Variants in ALDH3A2 observed in about 807,000 individuals in gnomAD.
The protein encoded by ALDH3A2 is aldehyde dehydrogenase 3 family member A2.
Under a neutral mutation model 51.3 loss-of-function variants are expected in ALDH3A2, and 36 were observed. The ratio of observed to expected loss-of-function variants is 0.70; its 90% CI spans 0.54 to 0.93. The LOEUF (loss-of-function observed/expected upper bound fraction) is 0.93, where lower values mean the gene tolerates loss of function less well. Ranked by LOEUF, ALDH3A2 falls within the 40% of genes least tolerant of loss-of-function variation. ALDH3A2 has a pLI of 0.00. For synonymous variants in ALDH3A2, 199 were observed against 219.8 expected (o/e 0.91, Z 0.84); for missense variants, 552 against 603.1 (o/e 0.92, Z 0.89).
At chr17:19,658,903 C>T (rs2084932262) in intron 5 of ALDH3A2, among the ~76,000 whole-genome samples, 1 of 151,976 alleles carries the variant, frequency 6.6e-6, no homozygotes. Context: ...AAGGAAGGAT[C>T]AAAAACACCA....
intron 1 of ALDH3A2, among the ~76,000 whole-genome samples, chr17:19,650,485 G>A (rs1271492913): frequency 6.6e-6 from 1 of 151,324 alleles, no homozygotes. Context: ...GCGGAGTCTC[G>A]CTCTTTCTCC....
Position 19,658,870 on chromosome 17 carries a change from G to A in ALDH3A2, c.798+1008G>A, listed in dbSNP as rs559525444. ...TTATTGGAGCAGTCACTGTTTACTC[G>A]ACAGATGTTAATTGAGCACTAAAAG... On this transcript the variant is annotated intron_variant, in intron 5 of 9. Coordinates refer to ENST00000176643, the MANE Select transcript of ALDH3A2 (RefSeq NM_000382.3). 1.1e-4 allele frequency among the ~76,000 whole-genome samples: 16 copies of A among 152,108 alleles called. No homozygotes were observed. In the South Asian group the frequency reaches 2.9e-3, roughly 28 times the overall value.
chr17:19,666,157 T>A (rs1597567608), intron 8 of ALDH3A2, among the ~76,000 whole-genome samples: 1 of 151,256 alleles, frequency 6.6e-6, no homozygotes. Flanking sequence ...GGGAAGGGGG[T>A]ATTTTTGGGA....
At chr17:19,656,139 C>G (rs1360000777) in intron 3 of ALDH3A2, 3 of 555,842 alleles carry the variant, frequency 5.4e-6, no homozygotes, top group Non-Finnish European at 9.7e-6. Context: ...TAAAAAAACA[C>G]TGGAGTCTCC....
At chr17:19,649,158 G>A in intron 1 of ALDH3A2, 34 bp downstream of exon 1, 1 of 1,542,468 alleles carries the variant, frequency 6.5e-7, no homozygotes, top group Non-Finnish European at 8.8e-7. Context: ...TGGGGAAACT[G>A]GCCCCCGCCG....
intron 5 of ALDH3A2, among the ~76,000 whole-genome samples, chr17:19,658,477 C>A (rs777062946): frequency 6.6e-6 from 1 of 151,732 alleles, no homozygotes; most frequent in Non-Finnish European, 1.5e-5. Flanking sequence ...GTAATCCCAG[C>A]ACTTTGGGGG....
At position 19,648,754 on chromosome 17, in the gene ALDH3A2, C is replaced by T. The variant is rs1322856966; in HGVS notation, c.-218C>T. ...GGTGAGGCTTTGGGTCGAGCTCAGT[C>T]CTCCCCCGGCGCCTCCGACTGGCAG... is the stretch of plus-strand genomic sequence containing the variant. On this transcript the variant is annotated 5_prime_UTR_variant, in exon 1 of 10. Coordinates refer to ENST00000176643, the MANE Select transcript of ALDH3A2 (RefSeq NM_000382.3). The T allele has an allele frequency of 3.1e-6, 2 of 634,952 alleles. No individual in the cohort carries two copies. Among genetic ancestry groups the T allele is most frequent in the East Asian group, 5.6e-5 (2 of 35,834 alleles). The allele number at this position is 634,952 out of a possible 1,614,324, so 39.3% of individuals were successfully genotyped here. A position where few individuals can be genotyped will look rare whatever the true frequency, so the allele number is the denominator to read the frequency against.
At chr17:19,660,912 C>CTG (rs1339907469) in intron 5 of ALDH3A2, among the ~76,000 whole-genome samples, 2 of 152,090 alleles carry the variant, frequency 1.3e-5, no homozygotes, top group African/African-American at 4.8e-5. Flanking sequence ...TGACAGATCT[C>CTG]TGTGTGTGTG....
chr17:19,656,938 G>C (rs1203083575), intron 4 of ALDH3A2, among the ~76,000 whole-genome samples: 3 of 152,236 alleles, frequency 2.0e-5, no homozygotes, highest in Non-Finnish European at 4.4e-5. Flanking sequence ...ATGCCCATTT[G>C]AGAGGGTATT....
intron 8 of ALDH3A2, among the ~76,000 whole-genome samples, chr17:19,668,709 GGTGAAACCCCGTCTCTACTAAAAA>G (rs543013550): frequency 0.018 from 2,005 of 109,280 alleles, 451 homozygotes; most frequent in Middle Eastern, 0.055. Context: ...TGGCTAACAT[GGTGAAACCCCGTCTCTACTAAAAA>G]TACAAAAAAT....
At position 19,651,912 on chromosome 17, in the gene ALDH3A2, A is replaced by G. The variant is rs919366951; in HGVS notation, c.385+134A>G. 3.9e-5 allele frequency: 32 copies of G among 816,054 alleles called. No individual in the cohort carries two copies. The African/African-American group carries it at 4.8e-4, about 12-fold the overall frequency. The allele number at this position is 816,054 out of a possible 1,614,324, so 50.6% of individuals were successfully genotyped here. A position where few individuals can be genotyped will look rare whatever the true frequency, so the allele number is the denominator to read the frequency against. On this transcript the variant is annotated intron_variant, in intron 2 of 9. Coordinates refer to ENST00000176643, the MANE Select transcript of ALDH3A2 (RefSeq NM_000382.3). Reference sequence around the variant, plus strand: ...CTTTGTTTACACCACCAGTGTACTGAGAATTCATACATACCATACATATTT... The same window carrying G: ...CTTTGTTTACACCACCAGTGTACTGGGAATTCATACATACCATACATATTT...
Position 19,652,622 on chromosome 17 carries a change from A to G in ALDH3A2, c.461A>G (p.Tyr154Cys). The change falls in exon 3 of 10, where the codon TAT (tyrosine) becomes TGT (cysteine). Residue 154 changes from tyrosine (Y) to cysteine (C), a missense_variant. Transcript: ENST00000176643. The stretch of plus-strand genomic sequence containing the variant: ...ATCTTGGCAAAGCTTCTCCCTCAGT[A>G]TTTAGACCAGGTAAGAATTTCTTGA... ...AKILAKLLPQ[Y>C]LDQDLYIVIN... is the part of the protein sequence containing the mutation. The G allele has an allele frequency of 6.2e-7, 1 of 1,612,668 alleles. No individual in the cohort carries two copies. Among genetic ancestry groups the G allele is most frequent in the Non-Finnish European group, 8.5e-7 (1 of 1,178,638 alleles).
intron 9 of ALDH3A2, chr17:19,673,275 G>A (rs2085143080): frequency 6.2e-7 from 1 of 1,613,766 alleles, no homozygotes; most frequent in Non-Finnish European, 8.5e-7. Context: ...TTAAGAGTGA[G>A]GTAGGAACTT....
chr17:19,665,747 C>T (rs893028007), intron 8 of ALDH3A2, among the ~76,000 whole-genome samples: 1 of 152,126 alleles, frequency 6.6e-6, no homozygotes. Flanking sequence ...GGGACCTAGG[C>T]TAGGTGGGCT....
intron 5 of ALDH3A2, among the ~76,000 whole-genome samples, chr17:19,660,346 A>G (rs761712702): frequency 6.6e-6 from 1 of 152,084 alleles, no homozygotes; most frequent in Non-Finnish European, 1.5e-5. Context: ...AGGCACATGC[A>G]TTTTAGCAAG....
chr17:19,661,243 G>A lies in ALDH3A2; in HGVS notation c.915G>A (p.Glu305=), dbSNP rs756776261. 1 of 1,614,102 alleles carries A rather than the reference G, an allele frequency of 6.2e-7. No individual in the cohort carries two copies. Among genetic ancestry groups the A allele is most frequent in the Non-Finnish European group, 8.5e-7 (1 of 1,180,030 alleles). The part of the protein sequence containing the change: ...LEGQKIAFGG[E]TDEATRYIAP... Reference sequence around the variant, plus strand: ...GACAAAAGATAGCTTTTGGTGGGGAGACTGATGAGGCCACACGCTACATAG... The same window carrying A: ...GACAAAAGATAGCTTTTGGTGGGGAAACTGATGAGGCCACACGCTACATAG... Residue 305 remains glutamate, a synonymous_variant, in exon 6 of 10, where the codon GAG becomes GAA. Coordinates refer to ENST00000176643, the MANE Select transcript of ALDH3A2 (RefSeq NM_000382.3).
chr17:19,665,024 A>G lies in ALDH3A2; in HGVS notation c.1184A>G (p.Asn395Ser). ...GNDVIMHFTL[N>S]SFPFGGVGSS... ...GACGTCATTATGCACTTCACGCTCA[A>G]CTCTTTCCCATTTGGAGGAGTGGGT... is the stretch of plus-strand genomic sequence containing the variant. Residue 395 changes from asparagine (N) to serine (S), a missense_variant, in exon 8 of 10, where the codon AAC becomes AGC. Physicochemically the swap from Asn to Ser is conservative, Grantham distance 46. Transcript: ENST00000176643. The G allele has an allele frequency of 1.2e-6, 2 of 1,613,280 alleles. No individual in the cohort carries two copies. The highest frequency in any genetic ancestry group is 8.5e-7 in the Non-Finnish European group (1 of 1,179,766).
intron 7 of ALDH3A2, among the ~76,000 whole-genome samples, chr17:19,664,613 C>G (rs1456470237): frequency 6.6e-6 from 1 of 152,158 alleles, no homozygotes; most frequent in Non-Finnish European, 1.5e-5. Flanking sequence ...GGAATATAGT[C>G]TAAGCTGTCC....
In ALDH3A2 at chr17:19,651,637, A is replaced by C. The variant is rs1325466842; in HGVS notation, c.244A>C (p.Lys82Gln). ...LENLPEWVTA[K>Q]PVKKNVLTML... is the part of the protein sequence containing the mutation. ...GAATCTTCCTGAATGGGTTACTGCT[A>C]AACCAGTTAAGAAGAACGTGCTCAC... is the stretch of plus-strand genomic sequence containing the variant. The change falls in exon 2 of 10, where the codon AAA (lysine) becomes CAA (glutamine). Residue 82 changes from lysine (K) to glutamine (Q), a missense_variant. By Grantham distance (53) the Lys-to-Gln change is moderately conservative. Transcript: ENST00000176643. 1.2e-6 allele frequency: 2 copies of C among 1,614,218 alleles called. No individual in the cohort carries two copies. Among genetic ancestry groups the C allele is most frequent in the Admixed American group, 3.3e-5 (2 of 60,028 alleles).
Sources: allele counts gnomAD v4.1 joint callset (sites outside exome capture counted in the v4.1 genomes callset), GRCh38; gene constraint gnomAD v4.1.1; transcripts MANE v1.5; gene names NCBI Gene and HGNC (gene_info 2026-07-23, HGNC 2026-07-21).